The following PLPP3 variants were observed in gnomAD, a reference collection of about 807,000 sequenced individuals.
The protein encoded by PLPP3 is phospholipid phosphatase 3, also known as PAP2 beta.
PLPP3 carries 6 observed loss-of-function variants against 29.6 expected under a neutral mutation model. That is an observed-to-expected ratio of 0.20 (90% confidence interval 0.11 to 0.40). PLPP3 has a LOEUF of 0.40. Among genes scored for constraint, PLPP3 ranks in the 10% least tolerant of loss-of-function variants. The pLI is 1.00. For missense variants in PLPP3, 308 were observed against 407.7 expected (o/e 0.76, Z 2.11); for synonymous variants, 152 against 159.7 (o/e 0.95, Z 0.36).
chr1:56,578,658 C>T (rs914830), intron 1 of PLPP3, among the ~76,000 whole-genome samples: 61,114 of 152,060 alleles, frequency 0.4, 14,144 homozygotes, highest in Admixed American at 0.54. Context: ...AACGCTTAAG[C>T]ACGCCCAGAC....
At position 56,496,371 on chromosome 1, in the gene PLPP3, C is replaced by T; in HGVS notation, c.*180G>A. The stretch of plus-strand genomic sequence containing the variant: ...CTTGGTGTTAGTTTGCTGTTGTTTC[C>T]ACATAGGCAAACACTACCTATTTTG... On this transcript the variant is annotated 3_prime_UTR_variant, in exon 6 of 6. Coordinates refer to ENST00000371250, the MANE Select transcript of PLPP3 (RefSeq NM_003713.5). 1 of 629,818 alleles carries T rather than the reference C, an allele frequency of 1.6e-6. No homozygotes were observed. The highest frequency in any genetic ancestry group is 2.6e-6 in the Non-Finnish European group (1 of 385,214). The allele number at this position is 629,818 out of a possible 1,614,324, so 39.0% of individuals were successfully genotyped here. A position where few individuals can be genotyped will look rare whatever the true frequency, so the allele number is the denominator to read the frequency against.
Position 56,546,188 on chromosome 1 carries a change from C to G in PLPP3, c.140-9076G>C, listed in dbSNP as rs112122530. ...GCAGTAATAACAGCGGCTGCCTTCC[C>G]GCAGGGAGCATATACACATTCTCCA... is the stretch of plus-strand genomic sequence containing the variant. On this transcript the variant is annotated intron_variant, in intron 1 of 5. Coordinates refer to ENST00000371250, the MANE Select transcript of PLPP3 (RefSeq NM_003713.5). 6.6e-5 allele frequency among the ~76,000 whole-genome samples: 10 copies of G among 152,322 alleles called. 1 individual carries two copies. Among genetic ancestry groups the G allele is most frequent in the African/African-American group, 2.4e-4 (10 of 41,566 alleles).
intron 4 of PLPP3, 188 bp from the exon 5 acceptor site, chr1:56,512,340 G>A (rs1248974608): frequency 9.1e-6 from 5 of 547,092 alleles, no homozygotes; most frequent in South Asian, 2.5e-5. Flanking sequence ...GGCTAGGCAC[G>A]GTGGCTCACG....
intron 5 of PLPP3, among the ~76,000 whole-genome samples, chr1:56,497,770 G>C (rs955504421): frequency 2.0e-5 from 3 of 152,138 alleles, no homozygotes; most frequent in Non-Finnish European, 4.4e-5. Flanking sequence ...TAAGGCTCTG[G>C]CGATCCAGGG....
At chr1:56,520,930 A>T (rs1167579480) in intron 4 of PLPP3, among the ~76,000 whole-genome samples, 1 of 115,528 alleles carries the variant, frequency 8.7e-6, no homozygotes, top group Non-Finnish European at 2.0e-5. Context: ...AAAAAAAAAA[A>T]AAAAAGAAAC....
intron 1 of PLPP3, among the ~76,000 whole-genome samples, chr1:56,543,858 C>A (rs1645985394): frequency 6.6e-6 from 1 of 152,140 alleles, no homozygotes; most frequent in African/African-American, 2.4e-5. Flanking sequence ...CTGTTGGAAC[C>A]AAAAGCAACT....
chr1:56,543,334 A>G (rs1025213474), intron 1 of PLPP3, among the ~76,000 whole-genome samples: 1 of 152,210 alleles, frequency 6.6e-6, no homozygotes, highest in African/African-American at 2.4e-5. Flanking sequence ...AAGTTTTATA[A>G]CTGGTACAAG....
intron 5 of PLPP3, among the ~76,000 whole-genome samples, chr1:56,503,103 G>C (rs994641106): frequency 6.6e-6 from 1 of 152,086 alleles, no homozygotes; most frequent in African/African-American, 2.4e-5. Flanking sequence ...TAACTAGATG[G>C]GATTATCCAA....
rs138028919 is a variant in PLPP3, at chr1:56,500,394, G to C, written c.811-3718C>G. ...GGGAGTGGGAAGCAGGCCTTAGAAG[G>C]CTTCTCCTAAAGGTTGTCTATTTGA... On this transcript the variant is annotated intron_variant, in intron 5 of 5. Coordinates refer to ENST00000371250, the MANE Select transcript of PLPP3 (RefSeq NM_003713.5). Among the ~76,000 whole-genome samples, 16 of 152,302 alleles carry C rather than the reference G, an allele frequency of 1.1e-4. No individual in the cohort carries two copies. The East Asian group carries it at 2.1e-3, about 20-fold the overall frequency.
chr1:56,523,428 A>C (rs1439869409), intron 4 of PLPP3, among the ~76,000 whole-genome samples: 1 of 152,170 alleles, frequency 6.6e-6, no homozygotes, highest in Admixed American at 6.5e-5. Context: ...GTACCCTAAA[A>C]TGTTATATTT....
At chr1:56,532,663 T>C (rs1189085353) in intron 2 of PLPP3, among the ~76,000 whole-genome samples, 4 of 152,106 alleles carry the variant, frequency 2.6e-5, no homozygotes, top group Non-Finnish European at 5.9e-5. Context: ...AACAGGACAT[T>C]TTCCCCTGCT....
At chr1:56,553,870 C>A (rs1051681849) in intron 1 of PLPP3, among the ~76,000 whole-genome samples, 1 of 152,052 alleles carries the variant, frequency 6.6e-6, no homozygotes. Context: ...ACCGAGTGTG[C>A]GAAGAAGGTT....
intron 2 of PLPP3, among the ~76,000 whole-genome samples, chr1:56,529,032 G>A (rs1420300901): frequency 1.3e-5 from 2 of 151,956 alleles, no homozygotes; most frequent in East Asian, 3.9e-4. Flanking sequence ...CGCTGAGTCT[G>A]AAGGACAAAC....
chr1:56,560,058 T>G (rs1268596017), intron 1 of PLPP3, among the ~76,000 whole-genome samples: 3 of 152,112 alleles, frequency 2.0e-5, no homozygotes, highest in Non-Finnish European at 4.4e-5. Flanking sequence ...CCAGAGCCCC[T>G]CAAACATAGT....
At chr1:56,523,977 C>T in intron 3 of PLPP3, 97 bp from the exon 4 acceptor site, 1 of 1,385,096 alleles carries the variant, frequency 7.2e-7, no homozygotes, top group Non-Finnish European at 1.0e-6. Flanking sequence ...ACCTTGAGAG[C>T]AGGCACTAGG....
rs1052339984 is a variant in PLPP3, at chr1:56,495,110, A to G, written c.*1441T>C. On this transcript the variant is annotated 3_prime_UTR_variant, in exon 6 of 6. Coordinates refer to ENST00000371250, the MANE Select transcript of PLPP3 (RefSeq NM_003713.5). ...TTCAGAAATAATATCTTACATAGTTAACTTTTAATGTTTTATACATTATTT... is the reference window on the plus strand; with the variant it reads ...TTCAGAAATAATATCTTACATAGTTGACTTTTAATGTTTTATACATTATTT... 3.3e-5 allele frequency: 5 copies of G among 152,444 alleles called. No individual in the cohort carries two copies. Among genetic ancestry groups the G allele is most frequent in the Middle Eastern group, 3.5e-3 (1 of 288 alleles). The allele number at this position is 152,444 out of a possible 1,614,324, so 9.4% of individuals were successfully genotyped here. A position where few individuals can be genotyped will look rare whatever the true frequency, so the allele number is the denominator to read the frequency against.
intron 1 of PLPP3, among the ~76,000 whole-genome samples, chr1:56,562,634 C>T (rs928457693): frequency 8.5e-5 from 13 of 152,188 alleles, no homozygotes; most frequent in African/African-American, 3.1e-4. Flanking sequence ...AATCATCATC[C>T]CCATTTTATC....
chr1:56,498,806 A>T lies in PLPP3; in HGVS notation c.811-2130T>A, dbSNP rs1569859598. On this transcript the variant is annotated intron_variant, in intron 5 of 5. Coordinates refer to ENST00000371250, the MANE Select transcript of PLPP3 (RefSeq NM_003713.5). ...GTGCCACTATGCCTGGCTAATTTTT[A>T]TATTTTTAGTAGAGACGGGGTTTCA... Among the ~76,000 whole-genome samples, 3 of 151,848 alleles carry T rather than the reference A, an allele frequency of 2.0e-5. No homozygotes were observed. In the East Asian group the frequency reaches 5.8e-4, roughly 29 times the overall value.
chr1:56,566,965 A>G (rs577125515), intron 1 of PLPP3, among the ~76,000 whole-genome samples: 25 of 152,366 alleles, frequency 1.6e-4, no homozygotes, highest in Admixed American at 1.4e-3. Context: ...CAGCCTCATC[A>G]GGAACTGAAA....
Sources: allele counts gnomAD v4.1 joint callset (sites outside exome capture counted in the v4.1 genomes callset), GRCh38; gene constraint gnomAD v4.1.1; transcripts MANE v1.5; gene names NCBI Gene and HGNC (gene_info 2026-07-23, HGNC 2026-07-21).